Variants in SH3RF3 observed in about 807,000 individuals in gnomAD.
The protein encoded by SH3RF3 is E3 ubiquitin-protein ligase SH3RF3.
Under a neutral mutation model 66.3 loss-of-function variants are expected in SH3RF3, and 29 were observed. That is an observed-to-expected ratio of 0.44 (90% confidence interval 0.33 to 0.60). SH3RF3 has a LOEUF of 0.60. SH3RF3 is among the 20% of genes least tolerant of loss of function. The pLI is 0.04. For missense variants in SH3RF3, 1,194 were observed against 1,190.9 expected, an observed-to-expected ratio of 1.00 and a Z score of -0.04; for synonymous variants, 583 against 532.0, an observed-to-expected ratio of 1.10 and a Z score of -1.32.
intron 1 of SH3RF3, among the ~76,000 whole-genome samples, chr2:109,331,934 G>A (rs1407937080): frequency 6.6e-6 from 1 of 152,186 alleles, no homozygotes; most frequent in Non-Finnish European, 1.5e-5. Context: ...TGCACCCTCA[G>A]CACCTGGCCG....
At chr2:109,199,377 A>G (rs1185651782) in intron 1 of SH3RF3, among the ~76,000 whole-genome samples, 3 of 95,374 alleles carry the variant, frequency 3.1e-5, no homozygotes, top group Admixed American at 9.7e-5. Flanking sequence ...ATGGAATGGA[A>G]TGGAATGGAA....
intron 1 of SH3RF3, among the ~76,000 whole-genome samples, chr2:109,342,964 G>A (rs1682591737): frequency 6.6e-6 from 1 of 152,102 alleles, no homozygotes; most frequent in Admixed American, 6.6e-5. Flanking sequence ...TTTTCTTAAT[G>A]TCTTGAGCCC....
chr2:109,414,908 AC>A (rs775187438), intron 4 of SH3RF3, among the ~76,000 whole-genome samples: 4 of 152,180 alleles, frequency 2.6e-5, no homozygotes, highest in Non-Finnish European at 5.9e-5. Flanking sequence ...TGATCCCAGA[AC>A]CTGAGAATGT....
intron 1 of SH3RF3, among the ~76,000 whole-genome samples, chr2:109,146,177 A>G (rs560412941): frequency 9.7e-4 from 147 of 152,294 alleles, no homozygotes; most frequent in Non-Finnish European, 1.7e-3. Context: ...ATTAGAATGC[A>G]TGGTACACTA....
At chr2:109,237,483 CT>C (rs1679676695) in intron 1 of SH3RF3, among the ~76,000 whole-genome samples, 1 of 152,218 alleles carries the variant, frequency 6.6e-6, no homozygotes, top group Non-Finnish European at 1.5e-5. Context: ...GATTGGAAGT[CT>C]TTAAAACAAG....
At chr2:109,476,926 G>A (rs543879451) in intron 8 of SH3RF3, among the ~76,000 whole-genome samples, 4 of 152,304 alleles carry the variant, frequency 2.6e-5, no homozygotes, top group African/African-American at 9.6e-5. Flanking sequence ...GTAGCAGTGA[G>A]GACAACCAGA....
At position 109,426,391 on chromosome 2, in the gene SH3RF3, A is replaced by G. The variant is rs190558071; in HGVS notation, c.1404-6110A>G. 1.2e-4 allele frequency among the ~76,000 whole-genome samples: 18 copies of G among 152,360 alleles called. No individual in the cohort carries two copies. The East Asian group carries it at 2.3e-3, about 20-fold the overall frequency. Reference sequence around the variant, plus strand: ...AGGAGTGTTGAAGAAGGTTCTTCCAATCCTCATGGATGACTTTGAGTGGTT... The same window carrying G: ...AGGAGTGTTGAAGAAGGTTCTTCCAGTCCTCATGGATGACTTTGAGTGGTT... On this transcript the variant is annotated intron_variant, in intron 5 of 9. Coordinates refer to ENST00000309415, the MANE Select transcript of SH3RF3 (RefSeq NM_001099289.3).
intron 1 of SH3RF3, among the ~76,000 whole-genome samples, chr2:109,252,173 G>A (rs1558983195): frequency 6.6e-6 from 1 of 151,966 alleles, no homozygotes; most frequent in African/African-American, 2.4e-5. Flanking sequence ...GCTTAAGCCT[G>A]GGAGGCAGAG....
At chr2:109,385,909 A>G (rs1044594884) in intron 3 of SH3RF3, among the ~76,000 whole-genome samples, 1 of 142,788 alleles carries the variant, frequency 7.0e-6, no homozygotes, top group Non-Finnish European at 1.6e-5. Flanking sequence ...GCTCTTCTTC[A>G]TATTTCTTAT....
intron 1 of SH3RF3, among the ~76,000 whole-genome samples, chr2:109,192,361 G>A (rs1054064562): frequency 9.2e-5 from 14 of 152,318 alleles, no homozygotes; most frequent in African/African-American, 3.4e-4. Context: ...CTTCTTTTGA[G>A]CAGGCATCAT....
chr2:109,266,005 G>A (rs1680481343), intron 1 of SH3RF3, among the ~76,000 whole-genome samples: 1 of 152,152 alleles, frequency 6.6e-6, no homozygotes, highest in South Asian at 2.1e-4. Context: ...TGTGTCATGT[G>A]CATGTGTGTG....
chr2:109,197,783 T>C (rs1378866515), intron 1 of SH3RF3, among the ~76,000 whole-genome samples: 1 of 152,222 alleles, frequency 6.6e-6, no homozygotes, highest in Non-Finnish European at 1.5e-5. Flanking sequence ...TGAGGAAGCC[T>C]GGCATGAAAT....
rs76042833 is a variant in SH3RF3, at chr2:109,462,902, G to A, written c.2148+13413G>A. 3.5e-3 allele frequency among the ~76,000 whole-genome samples: 527 copies of A among 152,310 alleles called. 19 individuals are homozygous for A. The East Asian group carries it at 0.061, about 18-fold the overall frequency. On this transcript the variant is annotated intron_variant, in intron 8 of 9. Transcript: ENST00000309415. ...GACATTTGGCTCTCGTCAACTTAGG[G>A]TCAGTTCAGATCCAGTGTCCAGCTG...
Position 109,129,654 on chromosome 2 carries a change from C to G in SH3RF3, c.114C>G (p.Thr38=). 3 of 1,502,838 alleles carry G rather than the reference C, an allele frequency of 2.0e-6. No individual in the cohort carries two copies. The highest frequency in any genetic ancestry group is 1.5e-5 in the African/African-American group (1 of 68,876). 93.1% of individuals were successfully genotyped at this position (1,502,838 alleles called of 1,614,324 possible). ...GERRRRRAAA[T]AAGAGEDMDE... Reference sequence around the variant, plus strand: ...GACGGCGGCGTCGGGCGGCGGCCACCGCCGCGGGGGCGGGCGAGGACATGG... The same window carrying G: ...GACGGCGGCGTCGGGCGGCGGCCACGGCCGCGGGGGCGGGCGAGGACATGG... The change falls in exon 1 of 10, where the codon ACC becomes ACG. Residue 38 remains threonine (T), a synonymous_variant. Transcript: ENST00000309415.
chr2:109,324,171 T>C (rs1346103379), intron 1 of SH3RF3, among the ~76,000 whole-genome samples: 1 of 152,232 alleles, frequency 6.6e-6, no homozygotes, highest in Admixed American at 6.5e-5. Flanking sequence ...TAATAATCCA[T>C]TGTGTGGCTA....
At chr2:109,317,163 A>G (rs1288403058) in intron 1 of SH3RF3, among the ~76,000 whole-genome samples, 3 of 135,386 alleles carry the variant, frequency 2.2e-5, no homozygotes, top group African/African-American at 9.2e-5. Flanking sequence ...GTTTCATGAA[A>G]TGTTTTGTGG....
At chr2:109,378,200 C>T (rs1175464711) in intron 3 of SH3RF3, among the ~76,000 whole-genome samples, 3 of 152,304 alleles carry the variant, frequency 2.0e-5, no homozygotes, top group South Asian at 2.1e-4. Context: ...TCCTGTGGTC[C>T]GGGTGGGTTC....
intron 3 of SH3RF3, among the ~76,000 whole-genome samples, chr2:109,383,112 C>T (rs945066194): frequency 2.6e-5 from 4 of 152,250 alleles, no homozygotes; most frequent in Non-Finnish European, 4.4e-5. Context: ...AGGCACTTGT[C>T]CCCAGGCAGA....
Position 109,399,923 on chromosome 2 carries a change from C to T in SH3RF3, c.1299+980C>T, listed in dbSNP as rs189787864. Among the ~76,000 whole-genome samples the T allele has an allele frequency of 6.1e-3, 935 of 152,360 alleles. 5 individuals carry two copies. Among genetic ancestry groups the T allele is most frequent in the Non-Finnish European group, 0.01 (700 of 68,034 alleles). On this transcript the variant is annotated intron_variant, in intron 4 of 9. Transcript: ENST00000309415. Reference sequence around the variant, plus strand: ...ACACAATGGTGCCCACTCCATTTCTCCCTGCGCTGCAGCCTTCCACCCAGC... The same window carrying T: ...ACACAATGGTGCCCACTCCATTTCTTCCTGCGCTGCAGCCTTCCACCCAGC...
Sources: gnomAD v4.1 joint callset for allele counts (sites outside exome capture counted in the v4.1 genomes callset) on GRCh38, gnomAD v4.1.1 for gene constraint, MANE v1.5 for transcripts, NCBI Gene and HGNC (gene_info 2026-07-23, HGNC 2026-07-21) for gene names.